Variants in USP8 observed in about 807,000 individuals in gnomAD.
The protein encoded by USP8 is ubiquitin specific peptidase 8.
In USP8, 27 loss-of-function variants were observed where a neutral mutation model predicts 130.0. The observed-to-expected ratio is 0.21, with a 90% CI of 0.15 to 0.29. The LOEUF is 0.29. Ranked by LOEUF, USP8 falls within the 10% of genes least tolerant of loss-of-function variation. The pLI, the probability that USP8 is intolerant of heterozygous loss-of-function variation, is 1.00. For missense variants in USP8, 1,029 were observed against 1,312.2 expected, an observed-to-expected ratio of 0.78 and a Z score of 3.33; for synonymous variants, 392 against 444.1, an observed-to-expected ratio of 0.88 and a Z score of 1.48.
At chr15:50,487,110 C>T (rs2051990200) in intron 12 of USP8, among the ~76,000 whole-genome samples, 1 of 150,556 alleles carries the variant, frequency 6.6e-6, no homozygotes, top group South Asian at 2.1e-4. Flanking sequence ...GGCAACAGAG[C>T]AAGACTCCAT....
intron 4 of USP8, among the ~76,000 whole-genome samples, 199 bp downstream of exon 4, chr15:50,449,684 C>G (rs1449752729): frequency 6.6e-6 from 1 of 151,724 alleles, no homozygotes; most frequent in Admixed American, 6.6e-5. Flanking sequence ...TGGGTTCACG[C>G]CATTCTCCTG....
chr15:50,450,186 G>A (rs990846880), intron 4 of USP8, among the ~76,000 whole-genome samples: 9 of 151,586 alleles, frequency 5.9e-5, no homozygotes, highest in East Asian at 1.9e-4. Flanking sequence ...TGAGCCACCC[G>A]GCCCCAATAT....
chr15:50,482,195 A>C, intron 11 of USP8, 130 bp downstream of exon 11: 1 of 760,112 alleles, frequency 1.3e-6, no homozygotes. Context: ...GAATGTACTG[A>C]TCTATCCACA....
chr15:50,448,594 A>G (rs1194291638), intron 3 of USP8, among the ~76,000 whole-genome samples: 2 of 151,108 alleles, frequency 1.3e-5, no homozygotes, highest in Admixed American at 1.3e-4. Flanking sequence ...ATCTCGGCTC[A>G]CTGCAACCTC....
intron 1 of USP8, among the ~76,000 whole-genome samples, chr15:50,427,507 A>G (rs2049777744): frequency 6.6e-6 from 1 of 151,738 alleles, no homozygotes; most frequent in Admixed American, 6.6e-5. Flanking sequence ...GTACTGAATG[A>G]TGAAATATTA....
chr15:50,475,930 T>G (rs1453481255), intron 8 of USP8, among the ~76,000 whole-genome samples: 3 of 152,092 alleles, frequency 2.0e-5, no homozygotes, highest in Non-Finnish European at 4.4e-5. Context: ...TTTTAAGTGA[T>G]CATTTCTAAG....
intron 4 of USP8, among the ~76,000 whole-genome samples, chr15:50,456,434 G>C (rs950759197): frequency 6.6e-6 from 1 of 151,840 alleles, no homozygotes; most frequent in Non-Finnish European, 1.5e-5. Flanking sequence ...GTAGCTGGCC[G>C]TGGTGGTGGG....
intron 4 of USP8, among the ~76,000 whole-genome samples, chr15:50,452,037 A>G (rs2050643892): frequency 6.6e-6 from 1 of 152,208 alleles, no homozygotes; most frequent in South Asian, 2.1e-4. Context: ...GGGTGGCCGC[A>G]TGGTCCCAGG....
chr15:50,436,803 G>A (rs1276662058), intron 1 of USP8, among the ~76,000 whole-genome samples: 1 of 152,144 alleles, frequency 6.6e-6, no homozygotes, highest in African/African-American at 2.4e-5. Flanking sequence ...CCAAGTAGCT[G>A]GGATTATAGG....
intron 4 of USP8, among the ~76,000 whole-genome samples, chr15:50,456,389 G>A (rs997833862): frequency 1.3e-5 from 2 of 150,584 alleles, no homozygotes; most frequent in African/African-American, 4.9e-5. Context: ...AGCCAACATA[G>A]TGAAACCCCA....
intron 2 of USP8, among the ~76,000 whole-genome samples, chr15:50,439,527 G>A (rs2050182235): frequency 6.6e-6 from 1 of 152,040 alleles, no homozygotes; most frequent in Admixed American, 6.6e-5. Flanking sequence ...GGTGGCTCAC[G>A]CTTGTAATCC....
Position 50,495,960 on chromosome 15 carries a change from C to G in USP8, c.2771C>G (p.Ala924Gly), listed in dbSNP as rs1022495273. 1 of 1,613,844 alleles carries G rather than the reference C, an allele frequency of 6.2e-7. No individual in the cohort carries two copies. The highest frequency in any genetic ancestry group is 8.5e-7 in the Non-Finnish European group (1 of 1,180,012). ...CAGCTCAATGAGTCTATTATTGTTG[C>G]ACTTTTTCAGGGTCAATTCAAATCT... ...HKQLNESIIV[A>G]LFQGQFKSTV... Residue 924 changes from alanine (A) to glycine (G), a missense_variant, in exon 17 of 20, where the codon GCA becomes GGA. By Grantham distance (60) the Ala-to-Gly change is moderately conservative (BLOSUM62 0). This residue lies in a region of USP8 where 257 missense variants were observed against 429.8 expected (regional missense o/e 0.60). Coordinates refer to ENST00000307179, the MANE Select transcript of USP8 (RefSeq NM_005154.5).
chr15:50,471,551 G>A, intron 7 of USP8, 82 bp from the exon 8 acceptor site: 2 of 1,486,320 alleles, frequency 1.3e-6, no homozygotes, highest in Non-Finnish European at 1.8e-6. Flanking sequence ...TAAAGACTGT[G>A]GAACAAAACT....
At position 50,505,934 on chromosome 15, in the gene USP8, TGGGCAACAGAG is replaced by T. The variant is rs899384509; in HGVS notation, c.*6847_*6857del. 3.3e-5 allele frequency: 5 copies of T among 152,312 alleles called. No homozygotes were observed. The highest frequency in any genetic ancestry group is 1.5e-5 in the Non-Finnish European group (1 of 68,102). 9.4% of individuals were successfully genotyped at this position (152,312 alleles called of 1,614,324 possible). On this transcript the variant is annotated 3_prime_UTR_variant, in exon 20 of 20. Transcript: ENST00000307179. ...TTCATTGCACTAGTGCACTCCAGTC[TGGGCAACAGAG>T]TGAGACCCTGTCTCAAAAACAAAAG...
intron 4 of USP8, among the ~76,000 whole-genome samples, chr15:50,457,355 C>G (rs1023668462): frequency 6.6e-6 from 1 of 150,430 alleles, no homozygotes; most frequent in Non-Finnish European, 1.5e-5. Flanking sequence ...GTCAGGAGTT[C>G]GAGACCAGCC....
intron 17 of USP8, 134 bp downstream of exon 17, chr15:50,496,218 T>C (rs1029800798): frequency 1.5e-6 from 1 of 685,660 alleles, no homozygotes; most frequent in Non-Finnish European, 2.4e-6. Flanking sequence ...CAGTGGCTCA[T>C]ACCTTGTACT....
At chr15:50,436,644 C>T (rs544000063) in intron 1 of USP8, among the ~76,000 whole-genome samples, 22 of 151,798 alleles carry the variant, frequency 1.4e-4, no homozygotes, top group African/African-American at 3.9e-4. Context: ...ATTACAGGTG[C>T]CTGACATCAT....
chr15:50,436,463 C>T (rs2050095000), intron 1 of USP8, among the ~76,000 whole-genome samples: 1 of 152,114 alleles, frequency 6.6e-6, no homozygotes, highest in Non-Finnish European at 1.5e-5. Flanking sequence ...CTGCTTAAAA[C>T]TTTCTCTTCC....
At chr15:50,492,051 G>C (rs896905271) in intron 14 of USP8, among the ~76,000 whole-genome samples, 3 of 151,926 alleles carry the variant, frequency 2.0e-5, no homozygotes, top group East Asian at 3.9e-4. Context: ...TAGTAGAGAC[G>C]GGGTTTCACC....
Sources: gnomAD v4.1 joint callset for allele counts (sites outside exome capture counted in the v4.1 genomes callset) on GRCh38, gnomAD v4.1.1 for gene constraint, gnomAD v4.1.1 regional missense constraint, MANE v1.5 for transcripts, NCBI Gene and HGNC (gene_info 2026-07-23, HGNC 2026-07-21) for gene names.